The following UBE2L6 variants were observed in gnomAD, a reference collection of about 807,000 sequenced individuals.
The protein encoded by UBE2L6 is ubiquitin/ISG15-conjugating enzyme E2 L6.
A neutral mutation model predicts 13.6 loss-of-function variants in UBE2L6; 11 were observed. The ratio of observed to expected loss-of-function variants is 0.81; its 90% CI spans 0.51 to 1.34. The LOEUF (loss-of-function observed/expected upper bound fraction) is 1.34. Among genes scored for constraint, UBE2L6 ranks in the 40% most tolerant of loss-of-function variants. UBE2L6 has a pLI of 0.00. For synonymous variants in UBE2L6, 74 were observed against 83.2 expected (o/e 0.89, Z 0.60); for missense variants, 197 against 199.5 (o/e 0.99, Z 0.07).
At chr11:57,558,448 T>G (rs776425867) in intron 2 of UBE2L6, among the ~76,000 whole-genome samples, 12 of 152,026 alleles carry the variant, frequency 7.9e-5, no homozygotes, top group Non-Finnish European at 1.5e-4. Context: ...GACCCTGGAG[T>G]CCGCTGAATT....
chr11:57,565,572 C>T (rs1013837272), intron 1 of UBE2L6, among the ~76,000 whole-genome samples: 15 of 151,594 alleles, frequency 9.9e-5, no homozygotes, highest in Admixed American at 3.3e-4. Flanking sequence ...GCTGTGTTAC[C>T]CAGGCTGGTC....
Position 57,567,398 on chromosome 11 carries a change from C to T in UBE2L6, c.27+187G>A, listed in dbSNP as rs1002188220. 1.3e-5 allele frequency: 11 copies of T among 844,578 alleles called. No homozygotes were observed. The African/African-American group carries it at 1.7e-4, about 13-fold the overall frequency. The allele number at this position is 844,578 out of a possible 1,614,324, so 52.3% of individuals were successfully genotyped here. Reference sequence around the variant, plus strand: ...AGAGGCCTCCAAACCCCCAAAACCCCAGCTCTGGCCACTCTTGCAGGCCAG... The same window carrying T: ...AGAGGCCTCCAAACCCCCAAAACCCTAGCTCTGGCCACTCTTGCAGGCCAG... On this transcript the variant is annotated intron_variant, in intron 1 of 3. Transcript: ENST00000287156.
intron 2 of UBE2L6, 101 bp from the exon 3 acceptor site, chr11:57,554,724 T>C: frequency 7.6e-7 from 1 of 1,308,524 alleles, no homozygotes; most frequent in South Asian, 1.3e-5. Context: ...CCAGGAGGAA[T>C]CATGAGCCAG....
intron 3 of UBE2L6, among the ~76,000 whole-genome samples, chr11:57,553,825 TA>T (rs1565158319): frequency 6.6e-6 from 1 of 151,976 alleles, no homozygotes. Flanking sequence ...GACTCTGTCT[TA>T]AAAAAGAAAA....
At chr11:57,553,215 T>C (rs1395097093) in intron 3 of UBE2L6, among the ~76,000 whole-genome samples, 1 of 152,240 alleles carries the variant, frequency 6.6e-6, no homozygotes, top group Non-Finnish European at 1.5e-5. Context: ...AAAATCAGGC[T>C]GGGCACGGTG....
At position 57,554,570 on chromosome 11, in the gene UBE2L6, C is replaced by G. The variant is rs2234408; in HGVS notation, c.177G>C (p.Pro59=). Residue 59 remains proline (P), a synonymous_variant, in exon 3 of 4, where the codon CCG becomes CCC. Coordinates refer to ENST00000287156, the MANE Select transcript of UBE2L6 (RefSeq NM_004223.5). The part of the protein sequence containing the change: ...KAFNLRISFP[P]EYPFKPPMIK... ...TCATGGGAGGCTTGAACGGATACTC[C>G]GGCGGGAAGCTGATGCGCAGGTTGA... The G allele has an allele frequency of 6.2e-7, 1 of 1,614,096 alleles. No individual in the cohort carries two copies. The highest frequency in any genetic ancestry group is 8.5e-7 in the Non-Finnish European group (1 of 1,180,028).
intron 3 of UBE2L6, among the ~76,000 whole-genome samples, chr11:57,553,219 C>T (rs1482970554): frequency 6.6e-6 from 1 of 152,264 alleles, no homozygotes; most frequent in Non-Finnish European, 1.5e-5. Context: ...TCAGGCTGGG[C>T]ACGGTGGCTC....
Position 57,563,735 on chromosome 11 carries a change from C to CA in UBE2L6, c.28-3304dup, listed in dbSNP as rs35011093. ...TGAAACCTCATCTCTACTAAAAATA[C>CA]AAAAAAAAAAAAAAAAATTAGCCGG... is the stretch of plus-strand genomic sequence containing the variant. On this transcript the variant is annotated intron_variant, in intron 1 of 3. Transcript: ENST00000287156. Among the ~76,000 whole-genome samples, 506 of 133,160 alleles carry CA rather than the reference C, an allele frequency of 3.8e-3. 3 individuals are homozygous for CA. The highest frequency in any genetic ancestry group is 6.5e-3 in the South Asian group (27 of 4,128). 87.4% of individuals were successfully genotyped at this position (133,160 alleles called of 152,430 possible).
chr11:57,562,399 A>G (rs1945054137), intron 1 of UBE2L6, among the ~76,000 whole-genome samples: 1 of 152,230 alleles, frequency 6.6e-6, no homozygotes. Flanking sequence ...CCAGCAGTGA[A>G]CTAACCACCC....
At chr11:57,567,759 C>G, upstream of UBE2L6, 3 of 954,002 alleles carry the variant, frequency 3.1e-6, no homozygotes, top group Non-Finnish European at 4.4e-6. Flanking sequence ...CCTCCCCGCA[C>G]CCGCTCCGGC....
At chr11:57,557,685 T>C (rs939792538) in intron 2 of UBE2L6, among the ~76,000 whole-genome samples, 1 of 152,032 alleles carries the variant, frequency 6.6e-6, no homozygotes, top group Non-Finnish European at 1.5e-5. Flanking sequence ...TGAGCCACCA[T>C]GCCCAGCGCC....
In UBE2L6 at chr11:57,552,524, G is replaced by T; in HGVS notation, c.311-15C>A. On this transcript the variant is annotated splice_polypyrimidine_tract_variant and intron_variant, in intron 3 of 3. Transcript: ENST00000287156. ...GGCCTCCAGGACTGGGGAGAGACAG[G>T]CCAGATCAGGATATCAGGGCAGAGG... 6.2e-7 allele frequency: 1 copy of T among 1,613,998 alleles called. No homozygotes were observed. Among genetic ancestry groups the T allele is most frequent in the Non-Finnish European group, 8.5e-7 (1 of 1,179,946 alleles).
chr11:57,567,359 C>A (rs1305069102), intron 1 of UBE2L6: 2 of 633,420 alleles, frequency 3.2e-6, no homozygotes, highest in South Asian at 3.9e-5. Flanking sequence ...CTTCACCACG[C>A]GAACGGCTCA....
chr11:57,559,898 T>C (rs1945025472), intron 2 of UBE2L6, among the ~76,000 whole-genome samples: 1 of 152,198 alleles, frequency 6.6e-6, no homozygotes, highest in African/African-American at 2.4e-5. Flanking sequence ...CTATTTGTGT[T>C]TTCATATGTA....
chr11:57,564,255 C>T (rs575346746), intron 1 of UBE2L6, among the ~76,000 whole-genome samples: 2 of 152,148 alleles, frequency 1.3e-5, no homozygotes, highest in East Asian at 1.9e-4. Context: ...TGTCCAGCAG[C>T]GACTTTTCAG....
upstream of UBE2L6, chr11:57,567,836 AC>A: frequency 4.1e-6 from 2 of 483,042 alleles, no homozygotes. Flanking sequence ...GAAGGCTCGG[AC>A]CCGGGACTCA....
At chr11:57,565,242 TAAGG>T (rs896954875) in intron 1 of UBE2L6, among the ~76,000 whole-genome samples, 12 of 148,552 alleles carry the variant, frequency 8.1e-5, no homozygotes, top group African/African-American at 2.7e-4. Flanking sequence ...AACTCCATCT[TAAGG>T]AAGGAAGGAA....
At chr11:57,566,023 T>A (rs2135283878) in intron 1 of UBE2L6, among the ~76,000 whole-genome samples, 1 of 151,822 alleles carries the variant, frequency 6.6e-6, no homozygotes, top group African/African-American at 2.4e-5. Context: ...TCTGGTGCCT[T>A]CCACCCAGGG....
At chr11:57,560,297 T>C (rs375163738) in intron 2 of UBE2L6, 40 bp downstream of exon 2, 1 of 1,558,578 alleles carries the variant, frequency 6.4e-7, no homozygotes, top group East Asian at 2.2e-5. Flanking sequence ...CTGGCCTAAT[T>C]TGGCCCCAAT....
Sources: allele counts gnomAD v4.1 joint callset (sites outside exome capture counted in the v4.1 genomes callset), GRCh38; gene constraint gnomAD v4.1.1; transcripts MANE v1.5; gene names NCBI Gene and HGNC (gene_info 2026-07-23, HGNC 2026-07-21).